The following ZNF804B variants were observed in gnomAD, a reference collection of about 807,000 sequenced individuals.
ZNF804B encodes the protein zinc finger protein 804B, also known as zinc finger 804B.
In ZNF804B, 80 loss-of-function variants were observed where a neutral mutation model predicts 101.4. The observed-to-expected ratio is 0.79, with a 90% CI of 0.66 to 0.95. The LOEUF is 0.95. Ranked by LOEUF, ZNF804B falls within the 40% of genes least tolerant of loss-of-function variation. ZNF804B has a pLI of 0.00. For synonymous variants in ZNF804B, 622 were observed against 558.8 expected (o/e 1.11, Z -1.59); for missense variants, 1,673 against 1,561.9 (o/e 1.07, Z -1.20).
At chr7:88,892,700 C>A (rs1298786132) in intron 1 of ZNF804B, among the ~76,000 whole-genome samples, 1 of 152,164 alleles carries the variant, frequency 6.6e-6, no homozygotes, top group African/African-American at 2.4e-5. Context: ...TCCCTCTCAT[C>A]TCCCTCCAAA....
At position 89,335,734 on chromosome 7, in the gene ZNF804B, G is replaced by A. The variant is rs144693443; in HGVS notation, c.2752G>A (p.Gly918Arg). Reference sequence around the variant, plus strand: ...AACCACAGAATCAAACACTGCAGAAGGAGAGAGGACCCCTCTAACAGCAAA... The same window carrying A: ...AACCACAGAATCAAACACTGCAGAAAGAGAGAGGACCCCTCTAACAGCAAA... ...SETTESNTAE[G>R]ERTPLTAKIL... Residue 918 changes from glycine (G) to arginine (R), a missense_variant, in exon 4 of 4, where the codon GGA becomes AGA. Transcript: ENST00000333190. The A allele has an allele frequency of 2.0e-5, 33 of 1,614,028 alleles. No homozygotes were observed. The African/African-American group carries it at 3.7e-4, about 18-fold the overall frequency.
rs546946537 is a variant in ZNF804B, at chr7:89,281,835, TGTAAA to T, written c.250-45502_250-45498del. On this transcript the variant is annotated intron_variant, in intron 2 of 3. Coordinates refer to ENST00000333190, the MANE Select transcript of ZNF804B (RefSeq NM_181646.5). ...AAGCAAGCAAAAGTACTTCCAGAAT[TGTAAA>T]GTAAAGGATAATAAATATAATCCAC... Among the ~76,000 whole-genome samples, 325 of 152,212 alleles carry T rather than the reference TGTAAA, an allele frequency of 2.1e-3. 1 individual carries two copies. The highest frequency in any genetic ancestry group is 7.3e-3 in the African/African-American group (303 of 41,522).
intron 1 of ZNF804B, among the ~76,000 whole-genome samples, chr7:88,872,453 T>C (rs1791842367): frequency 6.6e-6 from 1 of 152,104 alleles, no homozygotes; most frequent in Non-Finnish European, 1.5e-5. Context: ...ATTTCTTTTT[T>C]TTCTTTATGT....
At chr7:89,185,040 T>A (rs1340128774) in intron 1 of ZNF804B, among the ~76,000 whole-genome samples, 1 of 152,176 alleles carries the variant, frequency 6.6e-6, no homozygotes, top group Non-Finnish European at 1.5e-5. Flanking sequence ...TATTGAATTA[T>A]GGACTCTAAG....
chr7:89,250,444 A>G (rs1391745023), intron 2 of ZNF804B, among the ~76,000 whole-genome samples: 1 of 152,184 alleles, frequency 6.6e-6, no homozygotes, highest in African/African-American at 2.4e-5. Flanking sequence ...CAGAAATAAA[A>G]AGAAAAAATC....
chr7:89,175,335 C>A (rs1373122757), intron 1 of ZNF804B, among the ~76,000 whole-genome samples: 1 of 151,972 alleles, frequency 6.6e-6, no homozygotes, highest in African/African-American at 2.4e-5. Flanking sequence ...GAAGACTGTC[C>A]TTTCCCTAAT....
intron 1 of ZNF804B, among the ~76,000 whole-genome samples, chr7:88,879,449 T>C (rs1050836360): frequency 1.3e-5 from 2 of 152,308 alleles, no homozygotes; most frequent in Non-Finnish European, 2.9e-5. Context: ...ATAACACTTA[T>C]GGGAAGCACA....
In ZNF804B at chr7:88,942,702, A is replaced by ATT. The variant is rs1283993411; in HGVS notation, c.108+182618_108+182619insTT. Among the ~76,000 whole-genome samples, 7 of 151,946 alleles carry ATT rather than the reference A, an allele frequency of 4.6e-5. No individual in the cohort carries two copies. The East Asian group carries it at 1.4e-3, about 30-fold the overall frequency. On this transcript the variant is annotated intron_variant, in intron 1 of 3. Transcript: ENST00000333190. ...AAACCAATGGTATTTAGGTTAGACC[A>ATT]CGTGTTACCATCAAATGAAAATATA...
intron 1 of ZNF804B, among the ~76,000 whole-genome samples, chr7:88,776,307 T>C (rs1049514089): frequency 6.6e-6 from 1 of 152,212 alleles, no homozygotes; most frequent in Non-Finnish European, 1.5e-5. Context: ...TGTATCAAAT[T>C]GTTGAAATTG....
chr7:88,945,208 T>G (rs1793109976), intron 1 of ZNF804B, among the ~76,000 whole-genome samples: 1 of 152,148 alleles, frequency 6.6e-6, no homozygotes, highest in Non-Finnish European at 1.5e-5. Flanking sequence ...CTTCTAGGGT[T>G]TTTATGGCTT....
At chr7:89,068,891 A>G (rs1789494934) in intron 1 of ZNF804B, among the ~76,000 whole-genome samples, 1 of 152,178 alleles carries the variant, frequency 6.6e-6, no homozygotes. Context: ...AGCCTGTTTT[A>G]GAAACAGTCT....
chr7:89,155,057 A>AC (rs1790936742), intron 1 of ZNF804B, among the ~76,000 whole-genome samples: 2 of 152,294 alleles, frequency 1.3e-5, no homozygotes, highest in South Asian at 4.1e-4. Flanking sequence ...AAATTAAAAA[A>AC]TATTCTATTT....
chr7:88,921,735 A>C (rs1792722439), intron 1 of ZNF804B, among the ~76,000 whole-genome samples: 1 of 152,098 alleles, frequency 6.6e-6, no homozygotes, highest in Non-Finnish European at 1.5e-5. Context: ...AATAGGTAGA[A>C]AAATAGATCA....
intron 1 of ZNF804B, among the ~76,000 whole-genome samples, chr7:88,814,819 G>T (rs10246107): frequency 0.17 from 25,275 of 151,742 alleles, 2,545 homozygotes; most frequent in East Asian, 0.41. Context: ...CCTACAGAAA[G>T]ATTTGAATTT....
At chr7:89,269,050 C>G (rs2115832939) in intron 2 of ZNF804B, among the ~76,000 whole-genome samples, 1 of 151,666 alleles carries the variant, frequency 6.6e-6, no homozygotes, top group Non-Finnish European at 1.5e-5. Context: ...TTTATTTTTT[C>G]AAATTAACAT....
intron 1 of ZNF804B, among the ~76,000 whole-genome samples, chr7:89,034,146 G>A (rs190187563): frequency 6.6e-6 from 1 of 152,170 alleles, no homozygotes; most frequent in Admixed American, 6.6e-5. Context: ...CACTTAATAA[G>A]CATTTATTGA....
chr7:89,031,434 G>T (rs544890078), intron 1 of ZNF804B, among the ~76,000 whole-genome samples: 1 of 151,732 alleles, frequency 6.6e-6, no homozygotes. Flanking sequence ...TTAAGAACAG[G>T]GAACATTTTT....
chr7:89,075,981 G>T (rs1046408249), intron 1 of ZNF804B, among the ~76,000 whole-genome samples: 1 of 152,164 alleles, frequency 6.6e-6, no homozygotes, highest in African/African-American at 2.4e-5. Flanking sequence ...CATCCATTTG[G>T]AACAGCTGTA....
In ZNF804B at chr7:89,333,475, G is replaced by A. The variant is rs1791017605; in HGVS notation, c.493G>A (p.Ala165Thr). 1 of 1,613,130 alleles carries A rather than the reference G, an allele frequency of 6.2e-7. No individual in the cohort carries two copies. The highest frequency in any genetic ancestry group is 1.3e-5 in the African/African-American group (1 of 74,844). ...CAGAAAGGTATCATGCATGAAGAGT[G>A]CTCTTCTCCTTAAAGGAAAAAATCT... ...NGRKVSCMKS[A>T]LLLKGKNLPR... Residue 165 changes from alanine to threonine, a missense_variant, in exon 4 of 4, where the codon GCT becomes ACT. Transcript: ENST00000333190.
Sources: gnomAD v4.1 joint callset for allele counts (sites outside exome capture counted in the v4.1 genomes callset) on GRCh38, gnomAD v4.1.1 for gene constraint, MANE v1.5 for transcripts, NCBI Gene and HGNC (gene_info 2026-07-23, HGNC 2026-07-21) for gene names.